The following PRKCH variants were observed in gnomAD, a reference collection of about 807,000 sequenced individuals.
PRKCH encodes protein kinase C eta type.
Under a neutral mutation model 82.5 loss-of-function variants are expected in PRKCH, and 28 were observed. The observed-to-expected ratio is 0.34, with a 90% CI of 0.25 to 0.47. The LOEUF (loss-of-function observed/expected upper bound fraction) is 0.47, where lower values mean the gene tolerates loss of function less well. PRKCH is among the 20% of genes least tolerant of loss of function. The pLI, the probability that PRKCH is intolerant of heterozygous loss-of-function variation, is 1.00. For missense variants in PRKCH, 705 were observed against 881.8 expected (o/e 0.80, Z 2.54); for synonymous variants, 322 against 327.4 (o/e 0.98, Z 0.18).
chr14:61,441,018 A>G (rs192532488), intron 2 of PRKCH, among the ~76,000 whole-genome samples: 2 of 151,462 alleles, frequency 1.3e-5, no homozygotes, highest in African/African-American at 4.8e-5. Context: ...CCTGGGCTCA[A>G]GTGATCCTCC....
intron 10 of PRKCH, among the ~76,000 whole-genome samples, chr14:61,490,505 G>C (rs1886407519): frequency 6.6e-6 from 1 of 152,188 alleles, no homozygotes. Flanking sequence ...GGGTCCACAG[G>C]TGCCTCGCTG....
intron 1 of PRKCH, among the ~76,000 whole-genome samples, chr14:61,308,658 T>G (rs1211804809): frequency 3.3e-5 from 5 of 152,218 alleles, no homozygotes; most frequent in Non-Finnish European, 7.3e-5. Context: ...AGACAGAGTC[T>G]CGCTCCATTG....
At chr14:61,459,223 G>A (rs911384651) in intron 9 of PRKCH, among the ~76,000 whole-genome samples, 7 of 152,162 alleles carry the variant, frequency 4.6e-5, no homozygotes, top group Admixed American at 3.9e-4. Flanking sequence ...CCTGGCCTGT[G>A]CCACCATCAA....
intron 1 of PRKCH, among the ~76,000 whole-genome samples, chr14:61,254,020 TTCCTTCC>T (rs1236838790): frequency 2.4e-5 from 3 of 124,164 alleles, no homozygotes; most frequent in Non-Finnish European, 4.9e-5. Context: ...CCTTCCTTCC[TTCCTTCC>T]TTTCTTCTTT....
At chr14:61,324,626 G>C (rs1226290069) in intron 1 of PRKCH, among the ~76,000 whole-genome samples, 1 of 151,906 alleles carries the variant, frequency 6.6e-6, no homozygotes, top group Non-Finnish European at 1.5e-5. Context: ...GTTCAAAAAT[G>C]CTTTAAAAAA....
intron 2 of PRKCH, among the ~76,000 whole-genome samples, chr14:61,392,844 G>GT (rs3085970): frequency 2.6e-3 from 357 of 135,872 alleles, no homozygotes; most frequent in Admixed American, 4.1e-3. Flanking sequence ...TTCTTTTTTT[G>GT]TTTTTTTTTT....
chr14:61,417,283 A>T (rs1304470270), intron 2 of PRKCH, among the ~76,000 whole-genome samples: 3 of 152,168 alleles, frequency 2.0e-5, no homozygotes, highest in Non-Finnish European at 4.4e-5. Context: ...TAGAACCGTC[A>T]TTACTTTCCC....
intron 1 of PRKCH, among the ~76,000 whole-genome samples, chr14:61,211,306 G>A (rs772343636): frequency 5.9e-5 from 9 of 152,156 alleles, no homozygotes; most frequent in Non-Finnish European, 7.3e-5. Flanking sequence ...TGGCACCTAC[G>A]CCAACCTTCG....
At chr14:61,362,340 TAAAAA>T (rs10591516) in intron 1 of PRKCH, among the ~76,000 whole-genome samples, 1 of 125,518 alleles carries the variant, frequency 8.0e-6, no homozygotes, top group Non-Finnish European at 1.7e-5. Flanking sequence ...CATCTTGTCT[TAAAAA>T]AAAAAAAAAA....
At chr14:61,540,422 C>T (rs1274310144) in intron 12 of PRKCH, among the ~76,000 whole-genome samples, 1 of 152,160 alleles carries the variant, frequency 6.6e-6, no homozygotes, top group Non-Finnish European at 1.5e-5. Flanking sequence ...GATTGGTAGC[C>T]TCAAGGGGAA....
chr14:61,317,482 C>A (rs903123971), upstream of PRKCH, among the ~76,000 whole-genome samples: 2 of 152,156 alleles, frequency 1.3e-5, no homozygotes, highest in African/African-American at 4.8e-5. Flanking sequence ...CTTTGTTGCC[C>A]AGGCTGGTCT....
chr14:61,519,170 C>T (rs1474163976), intron 10 of PRKCH, among the ~76,000 whole-genome samples: 1 of 152,042 alleles, frequency 6.6e-6, no homozygotes, highest in Non-Finnish European at 1.5e-5. Flanking sequence ...GGAGTGCCAA[C>T]TACTTGGAGG....
Position 61,529,151 on chromosome 14 carries a change from G to A in PRKCH, c.1510G>A (p.Gly504Arg), listed in dbSNP as rs949467883. 2.1e-5 allele frequency: 34 copies of A among 1,614,024 alleles called. No individual in the cohort carries two copies. The highest frequency in any genetic ancestry group is 2.5e-5 in the Non-Finnish European group (30 of 1,179,944). Reference sequence around the variant, plus strand: ...GGCAGACTTCGGAATGTGCAAGGAGGGGATTTGCAATGGTGTCACCACGGC... The same window carrying A: ...GGCAGACTTCGGAATGTGCAAGGAGAGGATTTGCAATGGTGTCACCACGGC... ...KLADFGMCKE[G>R]ICNGVTTATF... The change falls in exon 11 of 14, where the codon GGG becomes AGG. Residue 504 changes from glycine (G) to arginine (R), a missense_variant. By Grantham distance (125) the Gly-to-Arg change is moderately radical. Around this residue, in one of 5 missense-constraint regions of PRKCH, gnomAD observed 115 missense variants for 193.8 expected, o/e 0.59. Transcript: ENST00000332981.
intron 1 of PRKCH, among the ~76,000 whole-genome samples, chr14:61,283,597 A>C (rs186070873): frequency 4.6e-5 from 7 of 152,246 alleles, no homozygotes; most frequent in African/African-American, 1.7e-4. Flanking sequence ...CTATAATTCA[A>C]GCACTTCGGG....
chr14:61,227,437 A>T (rs2044705608), intron 1 of PRKCH, among the ~76,000 whole-genome samples: 2 of 152,070 alleles, frequency 1.3e-5, no homozygotes, highest in Admixed American at 6.5e-5. Flanking sequence ...ACTAAAAAAT[A>T]TAAAAAATTA....
At chr14:61,210,111 AATATATATATATATATATATATATATAT>A (rs60055073) in intron 1 of PRKCH, among the ~76,000 whole-genome samples, 8,375 of 87,424 alleles carry the variant, frequency 0.096, 1,152 homozygotes, top group African/African-American at 0.29. Context: ...CAAACAAACA[AATATATATATATATATATATATATATAT>A]ATATATATAT....
intron 1 of PRKCH, among the ~76,000 whole-genome samples, chr14:61,343,654 ATAAT>A (rs1293457539): frequency 6.6e-6 from 1 of 152,230 alleles, no homozygotes; most frequent in Non-Finnish European, 1.5e-5. Flanking sequence ...ATTTTGAGTA[ATAAT>A]TGATTGCACA....
At chr14:61,252,180 C>A (rs1320457768) in intron 1 of PRKCH, among the ~76,000 whole-genome samples, 1 of 152,136 alleles carries the variant, frequency 6.6e-6, no homozygotes, top group African/African-American at 2.4e-5. Flanking sequence ...CCAGCTCCAT[C>A]CTCACCAGAT....
chr14:61,288,870 G>T (rs1290241432), intron 1 of PRKCH, among the ~76,000 whole-genome samples: 1 of 152,184 alleles, frequency 6.6e-6, no homozygotes, highest in Non-Finnish European at 1.5e-5. Context: ...TTAATAAAGA[G>T]GTTGTTATTG....
Sources: allele counts gnomAD v4.1 joint callset (sites outside exome capture counted in the v4.1 genomes callset), GRCh38; gene constraint gnomAD v4.1.1; regional missense constraint gnomAD v4.1.1; transcripts MANE v1.5; gene names NCBI Gene and HGNC (gene_info 2026-07-23, HGNC 2026-07-21).